The following MRPL30 variants were observed in gnomAD, a reference collection of about 807,000 sequenced individuals.
MRPL30 encodes the protein mitochondrial ribosomal protein L30.
A neutral mutation model predicts 17.2 loss-of-function variants in MRPL30; 10 were observed. That is an observed-to-expected ratio of 0.58 (90% confidence interval 0.36 to 0.99). The LOEUF (loss-of-function observed/expected upper bound fraction) is 0.99. Among genes scored for constraint, MRPL30 ranks in the 50% least tolerant of loss-of-function variants. MRPL30 has a pLI of 0.01. For synonymous variants in MRPL30, 61 were observed against 62.1 expected, an observed-to-expected ratio of 0.98 and a Z score of 0.08; for missense variants, 170 against 189.8, an observed-to-expected ratio of 0.90 and a Z score of 0.61.
intron 1 of MRPL30, among the ~76,000 whole-genome samples, chr2:99,184,722 A>G (rs1176958748): frequency 6.6e-6 from 1 of 152,232 alleles, no homozygotes; most frequent in Non-Finnish European, 1.5e-5. Context: ...TGGATTAAGT[A>G]CCTAACCTTG....
Position 99,194,902 on chromosome 2 carries a change from G to T in MRPL30, c.279+5G>T. On this transcript the variant is annotated splice_donor_5th_base_variant and intron_variant, in intron 4 of 5. Transcript: ENST00000338148. ...AAGATGCTTGGATTAGAAAAAGTAT[G>T]CAATTATTTTAATCATCTTTAGTGT... The T allele has an allele frequency of 6.4e-7, 1 of 1,556,136 alleles. No individual in the cohort carries two copies. The highest frequency in any genetic ancestry group is 1.2e-5 in the South Asian group (1 of 82,236).
chr2:99,184,733 A>C (rs1351254903), intron 1 of MRPL30, among the ~76,000 whole-genome samples: 1 of 152,224 alleles, frequency 6.6e-6, no homozygotes, highest in East Asian at 1.9e-4. Context: ...CCTAACCTTG[A>C]TACGAGGAAG....
Position 99,194,906 on chromosome 2 carries a change from T to C in MRPL30, c.279+9T>C. The C allele has an allele frequency of 6.4e-7, 1 of 1,555,820 alleles. No individual in the cohort carries two copies. ...TGCTTGGATTAGAAAAAGTATGCAATTATTTTAATCATCTTTAGTGTTGTT... is the reference window on the plus strand; with the variant it reads ...TGCTTGGATTAGAAAAAGTATGCAACTATTTTAATCATCTTTAGTGTTGTT... On this transcript the variant is annotated intron_variant, in intron 4 of 5. Coordinates refer to ENST00000338148, the MANE Select transcript of MRPL30 (RefSeq NM_145212.4).
At chr2:99,189,518 C>T (rs563113660) in intron 3 of MRPL30, among the ~76,000 whole-genome samples, 19 of 152,294 alleles carry the variant, frequency 1.2e-4, no homozygotes, top group South Asian at 6.2e-4. Flanking sequence ...TAGACATACA[C>T]AGTTTATGTG....
intron 3 of MRPL30, among the ~76,000 whole-genome samples, chr2:99,190,727 G>A (rs748069742): frequency 1.2e-4 from 18 of 152,182 alleles, no homozygotes; most frequent in Non-Finnish European, 2.1e-4. Context: ...GGCACAGGCA[G>A]GAGAATAACA....
Position 99,195,828 on chromosome 2 carries a change from T to G in MRPL30, c.*123T>G. The G allele has an allele frequency of 6.9e-7, 1 of 1,454,696 alleles. No individual in the cohort carries two copies. The allele number at this position is 1,454,696 out of a possible 1,614,324, so 90.1% of individuals were successfully genotyped here. On this transcript the variant is annotated 3_prime_UTR_variant, in exon 6 of 6. Coordinates refer to ENST00000338148, the MANE Select transcript of MRPL30 (RefSeq NM_145212.4). ...GCCGGGCACGGTGGCTCACCTGTAA[T>G]CCCAGCACTTTGGGAGGCCAAGGCG...
At chr2:99,182,295 C>T (rs910879691) in intron 1 of MRPL30, among the ~76,000 whole-genome samples, 1 of 152,236 alleles carries the variant, frequency 6.6e-6, no homozygotes, top group Admixed American at 6.5e-5. Flanking sequence ...GTGGCTCACG[C>T]CTGTAATCTC....
At chr2:99,191,761 T>G (rs2093946487) in intron 3 of MRPL30, among the ~76,000 whole-genome samples, 1 of 152,218 alleles carries the variant, frequency 6.6e-6, no homozygotes, top group Non-Finnish European at 1.5e-5. Context: ...CTATTGGTTC[T>G]AACCTTCATT....
intron 1 of MRPL30, among the ~76,000 whole-genome samples, chr2:99,182,795 G>A (rs750382820): frequency 3.3e-5 from 5 of 152,130 alleles, no homozygotes; most frequent in Non-Finnish European, 5.9e-5. Context: ...GGCAGATACC[G>A]CTTTACACAG....
At chr2:99,188,510 G>A (rs754142205) in intron 3 of MRPL30, among the ~76,000 whole-genome samples, 1 of 152,116 alleles carries the variant, frequency 6.6e-6, no homozygotes, top group Non-Finnish European at 1.5e-5. Context: ...CTTGTGGTTT[G>A]TACATGTGTG....
At chr2:99,187,511 A>G (rs1033002891) in intron 2 of MRPL30, among the ~76,000 whole-genome samples, 1 of 152,222 alleles carries the variant, frequency 6.6e-6, no homozygotes, top group Non-Finnish European at 1.5e-5. Flanking sequence ...CTATTTTTGT[A>G]AATAACAGTT....
In MRPL30 at chr2:99,198,139, T is replaced by C. The variant is rs1269098046; in HGVS notation, c.*2434T>C. On this transcript the variant is annotated 3_prime_UTR_variant, in exon 6 of 6. Coordinates refer to ENST00000338148, the MANE Select transcript of MRPL30 (RefSeq NM_145212.4). ...AAAGTCTTTAGTGAAAATATGGGCA[T>C]AGGCCAGCAGCATTAGCTTTCTATT... 6.6e-6 allele frequency among the ~76,000 whole-genome samples: 1 copy of C among 152,206 alleles called. No individual in the cohort carries two copies. Among genetic ancestry groups the C allele is most frequent in the Non-Finnish European group, 1.5e-5 (1 of 68,034 alleles).
intron 3 of MRPL30, 87 bp from the exon 4 acceptor site, chr2:99,194,664 T>C (rs2093952137): frequency 2.6e-6 from 3 of 1,143,752 alleles, no homozygotes; most frequent in Non-Finnish European, 3.8e-6. Flanking sequence ...TAGTTGTGTA[T>C]GTGTGTGTGT....
intron 3 of MRPL30, among the ~76,000 whole-genome samples, chr2:99,193,629 T>A (rs562598699): frequency 1.3e-5 from 2 of 152,352 alleles, no homozygotes; most frequent in South Asian, 4.1e-4. Flanking sequence ...TGGACATTTC[T>A]TTTTGGTTTT....
chr2:99,181,812 G>A (rs1393061284), intron 1 of MRPL30, among the ~76,000 whole-genome samples: 1 of 152,160 alleles, frequency 6.6e-6, no homozygotes, highest in East Asian at 1.9e-4. Context: ...CTGCTTGTTA[G>A]GCACTAGGAG....
intron 5 of MRPL30, 50 bp from the exon 6 acceptor site, chr2:99,195,523 G>C: frequency 6.4e-7 from 1 of 1,555,684 alleles, no homozygotes; most frequent in Non-Finnish European, 8.7e-7. Context: ...CGGGGATATA[G>C]AACGCTAGAA....
intron 3 of MRPL30, among the ~76,000 whole-genome samples, chr2:99,191,347 T>C (rs79907062): frequency 1.3e-5 from 2 of 152,302 alleles, no homozygotes; most frequent in East Asian, 3.9e-4. Context: ...TCCTGTATTC[T>C]CAACTGGTTT....
intron 1 of MRPL30, among the ~76,000 whole-genome samples, chr2:99,183,791 A>G (rs2093929726): frequency 6.6e-6 from 1 of 152,124 alleles, no homozygotes; most frequent in Non-Finnish European, 1.5e-5. Flanking sequence ...TAAAGTCCAT[A>G]CTTTATTTAG....
intron 1 of MRPL30, among the ~76,000 whole-genome samples, chr2:99,181,883 C>T (rs776061343): frequency 2.0e-5 from 3 of 152,086 alleles, no homozygotes; most frequent in Non-Finnish European, 2.9e-5. Flanking sequence ...AAGAGTGATT[C>T]CATGTTTTGC....
Sources: gnomAD v4.1 joint callset for allele counts (sites outside exome capture counted in the v4.1 genomes callset) on GRCh38, gnomAD v4.1.1 for gene constraint, MANE v1.5 for transcripts, NCBI Gene and HGNC (gene_info 2026-07-23, HGNC 2026-07-21) for gene names.